The following RUNX1 variants were observed in gnomAD, a reference collection of about 807,000 sequenced individuals.
RUNX1 encodes the protein RUNX family transcription factor 1.
A neutral mutation model predicts 42.8 loss-of-function variants in RUNX1; 19 were observed. The ratio of observed to expected loss-of-function variants is 0.44; its 90% CI spans 0.31 to 0.65. RUNX1 has a LOEUF of 0.65. Ranked by LOEUF, RUNX1 falls within the 30% of genes least tolerant of loss-of-function variation. The probability of loss-of-function intolerance (pLI) is 0.07; values close to 1 mark genes in which losing one functional copy is unlikely to be tolerated. For synonymous variants in RUNX1, 271 were observed against 289.4 expected (o/e 0.94, Z 0.64); for missense variants, 528 against 672.0 (o/e 0.79, Z 2.37).
chr21:34,828,898 G>C (rs574237569), intron 7 of RUNX1, among the ~76,000 whole-genome samples: 7 of 152,126 alleles, frequency 4.6e-5, no homozygotes, highest in Admixed American at 3.9e-4. Context: ...ATATTACCCA[G>C]TCTATAATAT....
intron 3 of RUNX1, among the ~76,000 whole-genome samples, chr21:34,890,487 A>C (rs1463230403): frequency 6.6e-6 from 1 of 151,944 alleles, no homozygotes; most frequent in African/African-American, 2.4e-5. Context: ...CTCTTCCCGA[A>C]GCCCCTGTTC....
At position 34,889,106 on chromosome 21, in the gene RUNX1, C is replaced by T. The variant is rs572592540; in HGVS notation, c.98-2010G>A. Among the ~76,000 whole-genome samples the T allele has an allele frequency of 2.6e-5, 4 of 151,316 alleles. No individual in the cohort carries two copies. The South Asian group carries it at 8.3e-4, about 31-fold the overall frequency. ...CCGCACCCGGAGAGGCCCGGCCCCGCGAGCCGCTGCAGGCAGGCGCAGTGG... is the reference window on the plus strand; with the variant it reads ...CCGCACCCGGAGAGGCCCGGCCCCGTGAGCCGCTGCAGGCAGGCGCAGTGG... On this transcript the variant is annotated intron_variant, in intron 3 of 8. Transcript: ENST00000675419.
At chr21:34,906,707 A>G (rs768619564) in intron 2 of RUNX1, among the ~76,000 whole-genome samples, 2 of 152,336 alleles carry the variant, frequency 1.3e-5, no homozygotes, top group African/African-American at 4.8e-5. Context: ...TTCATAGACA[A>G]TGACTTTCCC....
intron 6 of RUNX1, among the ~76,000 whole-genome samples, chr21:34,840,919 C>T (rs2057225205): frequency 6.6e-6 from 1 of 152,202 alleles, no homozygotes; most frequent in African/African-American, 2.4e-5. Flanking sequence ...CTGACTGGGA[C>T]ATTCCATTCT....
intron 5 of RUNX1, among the ~76,000 whole-genome samples, chr21:34,861,700 C>T (rs1232189645): frequency 6.6e-6 from 1 of 152,182 alleles, no homozygotes; most frequent in African/African-American, 2.4e-5. Context: ...TTCCTCCAGC[C>T]ACTTCGCCAA....
intron 5 of RUNX1, among the ~76,000 whole-genome samples, chr21:34,865,738 T>C (rs2057652232): frequency 6.6e-6 from 1 of 152,200 alleles, no homozygotes; most frequent in South Asian, 2.1e-4. Flanking sequence ...CAGTTCCGCA[T>C]GGCCCAGCGC....
chr21:34,801,490 T>G, intron 7 of RUNX1, among the ~76,000 whole-genome samples: 1 of 152,364 alleles, frequency 6.6e-6, no homozygotes, highest in Non-Finnish European at 1.5e-5. Flanking sequence ...AAATGATCTT[T>G]ATGATTAAAG....
chr21:35,025,592 G>A (rs1391701413), intron 2 of RUNX1, among the ~76,000 whole-genome samples: 3 of 152,216 alleles, frequency 2.0e-5, no homozygotes, highest in South Asian at 4.1e-4. Flanking sequence ...ATAAAGTTGA[G>A]TTATTCATTA....
Position 34,952,740 on chromosome 21 carries a change from C to G in RUNX1, c.59-59777G>C, listed in dbSNP as rs1012405650. Among the ~76,000 whole-genome samples, 3 of 152,186 alleles carry G rather than the reference C, an allele frequency of 2.0e-5. No homozygotes were observed. In the South Asian group the frequency reaches 6.2e-4, roughly 32 times the overall value. On this transcript the variant is annotated intron_variant, in intron 2 of 8. Transcript: ENST00000675419. ...AGATGCATAGGTCTGTGCAGCTGCTCTTTCTTCTCACTTTCAGGTCATAAT... is the reference window on the plus strand; with the variant it reads ...AGATGCATAGGTCTGTGCAGCTGCTGTTTCTTCTCACTTTCAGGTCATAAT...
At chr21:34,883,638 G>A (rs1291525968) in intron 4 of RUNX1, among the ~76,000 whole-genome samples, 1 of 152,126 alleles carries the variant, frequency 6.6e-6, no homozygotes, top group Non-Finnish European at 1.5e-5. Context: ...GGGACTTGCT[G>A]GCCAAAGATA....
chr21:34,804,142 T>C (rs568269293), intron 7 of RUNX1, among the ~76,000 whole-genome samples: 1 of 152,306 alleles, frequency 6.6e-6, no homozygotes, highest in Non-Finnish European at 1.5e-5. Context: ...ATTTCTGAAT[T>C]CATAAACTGA....
At chr21:34,944,074 T>C (rs1376761050) in intron 2 of RUNX1, among the ~76,000 whole-genome samples, 1 of 152,210 alleles carries the variant, frequency 6.6e-6, no homozygotes, top group Non-Finnish European at 1.5e-5. Flanking sequence ...AGTGGTGTGA[T>C]CACAGCTCAC....
intron 6 of RUNX1, among the ~76,000 whole-genome samples, chr21:34,854,648 C>G (rs2057471796): frequency 6.6e-6 from 1 of 152,058 alleles, no homozygotes; most frequent in African/African-American, 2.4e-5. Context: ...CCCTAGCTGC[C>G]CTCTAAGCCA....
At chr21:34,994,803 G>A (rs992813988) in intron 2 of RUNX1, among the ~76,000 whole-genome samples, 19 of 152,196 alleles carry the variant, frequency 1.2e-4, no homozygotes. Flanking sequence ...AGTTAAATTG[G>A]TCAATAGATA....
chr21:34,840,282 C>A (rs2057214304), intron 6 of RUNX1, among the ~76,000 whole-genome samples: 1 of 152,204 alleles, frequency 6.6e-6, no homozygotes, highest in South Asian at 2.1e-4. Context: ...GGTGTTAATG[C>A]AGATGCCACA....
At chr21:34,979,989 C>T (rs1028964533) in intron 2 of RUNX1, among the ~76,000 whole-genome samples, 3 of 152,182 alleles carry the variant, frequency 2.0e-5, no homozygotes, top group South Asian at 2.1e-4. Context: ...TGGCCGAAAG[C>T]GAGCTACTTG....
At chr21:34,929,892 G>A (rs1309921964) in intron 2 of RUNX1, among the ~76,000 whole-genome samples, 7 of 151,820 alleles carry the variant, frequency 4.6e-5, no homozygotes, top group Admixed American at 2.6e-4. Context: ...TTGTCATCCC[G>A]GAAAATTCTG....
chr21:34,979,421 A>T (rs1451891574), intron 2 of RUNX1, among the ~76,000 whole-genome samples: 2 of 152,136 alleles, frequency 1.3e-5, no homozygotes, highest in African/African-American at 2.4e-5. Flanking sequence ...AATATTTATT[A>T]AAAAAATCTT....
rs527965094 is a variant in RUNX1 at position 34,942,681 on chromosome 21, G to T, written c.59-49718C>A. Among the ~76,000 whole-genome samples, 4 of 152,280 alleles carry T rather than the reference G, an allele frequency of 2.6e-5. No homozygotes were observed. In the South Asian group the frequency reaches 8.3e-4, roughly 32 times the overall value. ...TAAGGCATAGTGGTGAGGACAATTA[G>T]CAGGGCTAATGTACCCTTTCCATGG... On this transcript the variant is annotated intron_variant, in intron 2 of 8. Transcript: ENST00000675419.
Sources: allele counts gnomAD v4.1 joint callset (sites outside exome capture counted in the v4.1 genomes callset), GRCh38; gene constraint gnomAD v4.1.1; transcripts MANE v1.5; gene names NCBI Gene and HGNC (gene_info 2026-07-23, HGNC 2026-07-21).